Variants in LAMA2 observed in about 807,000 individuals in gnomAD.
LAMA2 encodes laminin subunit alpha-2.
A neutral mutation model predicts 364.8 loss-of-function variants in LAMA2; 269 were observed. The ratio of observed to expected loss-of-function variants is 0.74; its 90% CI spans 0.67 to 0.82. The LOEUF (loss-of-function observed/expected upper bound fraction) is 0.82. Ranked by LOEUF, LAMA2 falls within the 40% of genes least tolerant of loss-of-function variation. The pLI is 0.00. For missense variants in LAMA2, 3,807 were observed against 3,873.2 expected, an observed-to-expected ratio of 0.98 and a Z score of 0.45; for synonymous variants, 1,379 against 1,370.6, an observed-to-expected ratio of 1.01 and a Z score of -0.14.
At chr6:128,890,028 G>A (rs1368283037) in intron 1 of LAMA2, among the ~76,000 whole-genome samples, 1 of 152,164 alleles carries the variant, frequency 6.6e-6, no homozygotes, top group Non-Finnish European at 1.5e-5. Flanking sequence ...AACCTCAGGA[G>A]CTATTTAGTG....
At chr6:129,105,195 T>C (rs1775747393) in intron 4 of LAMA2, among the ~76,000 whole-genome samples, 1 of 152,120 alleles carries the variant, frequency 6.6e-6, no homozygotes, top group Non-Finnish European at 1.5e-5. Flanking sequence ...TGCAGGGGCC[T>C]CCATTACTTT....
chr6:129,492,951 C>T (rs941508863), intron 58 of LAMA2, among the ~76,000 whole-genome samples: 7 of 152,072 alleles, frequency 4.6e-5, no homozygotes, highest in South Asian at 2.1e-4. Context: ...CTCAGGAGTT[C>T]GAGACCAGCC....
At chr6:129,274,147 T>G (rs1788133984) in intron 17 of LAMA2, among the ~76,000 whole-genome samples, 1 of 150,818 alleles carries the variant, frequency 6.6e-6, no homozygotes, top group Non-Finnish European at 1.5e-5. Context: ...ATTTTACATT[T>G]AAAACAATTT....
At chr6:129,075,236 G>T (rs1052235086) in intron 3 of LAMA2, among the ~76,000 whole-genome samples, 3 of 152,128 alleles carry the variant, frequency 2.0e-5, no homozygotes, top group African/African-American at 7.2e-5. Flanking sequence ...TTTATTACCA[G>T]CAGGAATAAA....
intron 9 of LAMA2, among the ~76,000 whole-genome samples, chr6:129,170,202 T>A (rs1040212584): frequency 6.7e-6 from 1 of 148,404 alleles, no homozygotes; most frequent in African/African-American, 2.6e-5. Flanking sequence ...TGCCTTCTGC[T>A]AGCTTTTGAA....
rs372525144 is a variant in LAMA2, at chr6:129,097,228, C to T, written c.397-945C>T. Among the ~76,000 whole-genome samples the T allele has an allele frequency of 2.2e-3, 341 of 152,328 alleles. 2 individuals are homozygous for T. The highest frequency in any genetic ancestry group is 7.0e-3 in the South Asian group (34 of 4,826). On this transcript the variant is annotated intron_variant, in intron 3 of 64. Transcript: ENST00000421865. ...TCTCATTATTACAATATATTAACAA[C>T]ACATTGATGGTGGAATAGTAATTTA...
Position 129,108,765 on chromosome 6 carries a change from GT to G in LAMA2, c.639+10356del, listed in dbSNP as rs1431994808. On this transcript the variant is annotated intron_variant, in intron 4 of 64. Coordinates refer to ENST00000421865, the MANE Select transcript of LAMA2 (RefSeq NM_000426.4). Reference sequence around the variant, plus strand: ...TAAAGCAATTTTAAGATTTTGTTTTGTTTTTTGCTATCCAAGTTCCTAAGAC... The same window carrying G: ...TAAAGCAATTTTAAGATTTTGTTTTGTTTTTGCTATCCAAGTTCCTAAGAC... Among the ~76,000 whole-genome samples, 3 of 152,002 alleles carry G rather than the reference GT, an allele frequency of 2.0e-5. 1 individual carries two copies. The highest frequency in any genetic ancestry group is 7.2e-5 in the African/African-American group (3 of 41,386).
intron 4 of LAMA2, among the ~76,000 whole-genome samples, chr6:129,120,287 A>G (rs964618676): frequency 2.0e-5 from 3 of 152,232 alleles, no homozygotes; most frequent in Non-Finnish European, 4.4e-5. Flanking sequence ...ATTTCTGAAA[A>G]AAATTTATAA....
At chr6:128,899,831 T>G (rs1776977608) in intron 1 of LAMA2, among the ~76,000 whole-genome samples, 2 of 152,300 alleles carry the variant, frequency 1.3e-5, no homozygotes, top group Admixed American at 1.3e-4. Context: ...ATTTAAGCTT[T>G]GGATAAGGAA....
At chr6:129,270,990 T>G (rs1359776100) in intron 17 of LAMA2, among the ~76,000 whole-genome samples, 1 of 152,120 alleles carries the variant, frequency 6.6e-6, no homozygotes, top group East Asian at 1.9e-4. Flanking sequence ...AGAGTAGAAC[T>G]CAAATAGAAT....
chr6:129,226,699 C>A (rs1176984306), intron 12 of LAMA2, among the ~76,000 whole-genome samples: 1 of 152,088 alleles, frequency 6.6e-6, no homozygotes, highest in East Asian at 1.9e-4. Context: ...GCCGAGCGAT[C>A]TGCTGTTAGT....
chr6:129,381,074 T>C (rs1248884236), intron 34 of LAMA2, among the ~76,000 whole-genome samples: 2 of 152,232 alleles, frequency 1.3e-5, no homozygotes, highest in African/African-American at 2.4e-5. Context: ...TTATGATCTT[T>C]TGGTAATACA....
At position 129,383,120 on chromosome 6, in the gene LAMA2, A is replaced by T; in HGVS notation, c.4960-2A>T. On this transcript the variant is annotated splice_acceptor_variant, in intron 34 of 64. Transcript: ENST00000421865. LOFTEE classifies it high-confidence loss of function. ...ATGTGTTTCCCGAATTTGGATCATT[A>T]GGCTACCAAAGTGACAGCAGATGGC... 1 of 1,612,524 alleles carries T rather than the reference A, an allele frequency of 6.2e-7. No homozygotes were observed. The highest frequency in any genetic ancestry group is 8.5e-7 in the Non-Finnish European group (1 of 1,178,890).
intron 1 of LAMA2, among the ~76,000 whole-genome samples, chr6:128,990,552 A>G (rs533450269): frequency 1.1e-4 from 16 of 152,332 alleles, no homozygotes; most frequent in South Asian, 1.0e-3. Flanking sequence ...AGCGCCCTAT[A>G]GAGTTTTGTG....
At chr6:129,395,365 G>A (rs1355706491) in intron 37 of LAMA2, among the ~76,000 whole-genome samples, 1 of 152,020 alleles carries the variant, frequency 6.6e-6, no homozygotes, top group Non-Finnish European at 1.5e-5. Flanking sequence ...ATTTTATCAA[G>A]CCTCTAATTC....
chr6:129,383,641 T>C (rs537026027), intron 35 of LAMA2, among the ~76,000 whole-genome samples: 1 of 152,360 alleles, frequency 6.6e-6, no homozygotes, highest in East Asian at 1.9e-4. Flanking sequence ...TTTCAAATAC[T>C]GGGGACTGGT....
intron 4 of LAMA2, among the ~76,000 whole-genome samples, chr6:129,123,980 C>T (rs776330834): frequency 1.3e-5 from 2 of 152,078 alleles, no homozygotes; most frequent in Non-Finnish European, 2.9e-5. Flanking sequence ...GTGATGGTTT[C>T]GCTGGTGCAT....
chr6:129,142,255 G>T (rs1190900191), intron 4 of LAMA2, among the ~76,000 whole-genome samples: 1 of 151,970 alleles, frequency 6.6e-6, no homozygotes, highest in Non-Finnish European at 1.5e-5. Flanking sequence ...GTAAACAAGA[G>T]AAATTTATTT....
chr6:129,399,321 T>G (rs1237164567), intron 37 of LAMA2, among the ~76,000 whole-genome samples: 1 of 152,176 alleles, frequency 6.6e-6, no homozygotes, highest in Non-Finnish European at 1.5e-5. Flanking sequence ...TCTTCTCCAA[T>G]TTTACAATGT....
Sources: gnomAD v4.1 joint callset for allele counts (sites outside exome capture counted in the v4.1 genomes callset) on GRCh38, gnomAD v4.1.1 for gene constraint, MANE v1.5 for transcripts, NCBI Gene and HGNC (gene_info 2026-07-23, HGNC 2026-07-21) for gene names.